Variants in KDM5A observed in about 807,000 individuals in gnomAD.
KDM5A encodes lysine-specific demethylase 5A.
KDM5A carries 42 observed loss-of-function variants against 193.5 expected under a neutral mutation model. That is an observed-to-expected ratio of 0.22 (90% confidence interval 0.17 to 0.28). The LOEUF (loss-of-function observed/expected upper bound fraction) is 0.28. Ranked by LOEUF, KDM5A falls within the 10% of genes least tolerant of loss-of-function variation. The probability of loss-of-function intolerance (pLI) is 1.00; values close to 1 mark genes in which losing one functional copy is unlikely to be tolerated. For synonymous variants in KDM5A, 796 were observed against 718.1 expected (o/e 1.11, Z -1.73); for missense variants, 1,692 against 2,055.1 (o/e 0.82, Z 3.42).
chr12:295,005 C>T (rs1334867366), intron 26 of KDM5A, among the ~76,000 whole-genome samples: 1 of 152,174 alleles, frequency 6.6e-6, no homozygotes, highest in Non-Finnish European at 1.5e-5. Flanking sequence ...CAGGCTTCTA[C>T]TACTTAACCA....
chr12:323,773 C>G lies in KDM5A; in HGVS notation c.1977G>C (p.Leu659=), dbSNP rs2137412228. 9.3e-6 allele frequency: 15 copies of G among 1,613,220 alleles called. No homozygotes were observed. The highest frequency in any genetic ancestry group is 1.3e-5 in the Non-Finnish European group (15 of 1,179,208). ...GTTCAAACACTTCTTCTTCTGACAT[C>G]AGGACACCCTGAAATATAATTTATT... ...LRESVVQMGV[L]MSEEEVFELV... The change falls in exon 15 of 28, where the codon CTG becomes CTC. Residue 659 remains leucine (L), a synonymous_variant. Coordinates refer to ENST00000399788, the MANE Select transcript of KDM5A (RefSeq NM_001042603.3).
intron 5 of KDM5A, among the ~76,000 whole-genome samples, chr12:357,780 A>G (rs976989127): frequency 6.0e-5 from 8 of 133,268 alleles, no homozygotes; most frequent in Admixed American, 1.8e-4. Flanking sequence ...GTGAGCTGAG[A>G]TTGCACCACT....
chr12:334,492 G>T, intron 10 of KDM5A, 70 bp from the exon 11 acceptor site: 1 of 1,331,404 alleles, frequency 7.5e-7, no homozygotes, highest in Non-Finnish European at 1.1e-6. Flanking sequence ...TGCCAAGGGA[G>T]TCTTCCCAGA....
chr12:294,304 G>A (rs1470639881), intron 26 of KDM5A, among the ~76,000 whole-genome samples: 1 of 152,024 alleles, frequency 6.6e-6, no homozygotes, highest in African/African-American at 2.4e-5. Context: ...ACAGGAGGAG[G>A]AATAAGAGAA....
intron 24 of KDM5A, among the ~76,000 whole-genome samples, chr12:302,074 T>C (rs575893180): frequency 1.3e-5 from 2 of 152,208 alleles, no homozygotes; most frequent in Non-Finnish European, 2.9e-5. Context: ...GAAGAATCAA[T>C]ATCATGAAAA....
At chr12:371,934 C>T (rs901086189) in intron 3 of KDM5A, among the ~76,000 whole-genome samples, 4 of 152,168 alleles carry the variant, frequency 2.6e-5, no homozygotes, top group African/African-American at 9.7e-5. Flanking sequence ...TTTCTGAAGG[C>T]TCTGTTCTGT....
At chr12:340,354 C>T (rs1321021765) in intron 10 of KDM5A, among the ~76,000 whole-genome samples, 6 of 152,072 alleles carry the variant, frequency 3.9e-5, no homozygotes, top group African/African-American at 1.4e-4. Flanking sequence ...GAGACTGTAT[C>T]CCATGGCAAC....
chr12:284,918 T>C lies in KDM5A; in HGVS notation c.*538A>G. 4.1e-6 allele frequency: 1 copy of C among 244,776 alleles called. No homozygotes were observed. The highest frequency in any genetic ancestry group is 8.1e-6 in the Non-Finnish European group (1 of 123,558). 15.2% of individuals were successfully genotyped at this position (244,776 alleles called of 1,614,324 possible). On this transcript the variant is annotated 3_prime_UTR_variant, in exon 28 of 28. Coordinates refer to ENST00000399788, the MANE Select transcript of KDM5A (RefSeq NM_001042603.3). ...GGTCAATAGACTGTGATACCATTCC[T>C]TGACGTCTAACAGAAATAACTTTGG...
At chr12:375,529 T>C (rs911198900) in intron 3 of KDM5A, among the ~76,000 whole-genome samples, 1 of 152,230 alleles carries the variant, frequency 6.6e-6, no homozygotes, top group African/African-American at 2.4e-5. Flanking sequence ...AACTTCCTCC[T>C]TTAGCTCGGA....
intron 22 of KDM5A, among the ~76,000 whole-genome samples, chr12:309,354 T>C (rs962428144): frequency 2.6e-5 from 4 of 152,250 alleles, no homozygotes; most frequent in Admixed American, 6.5e-5. Context: ...CAGAAGTGTT[T>C]GGGGTCTTTA....
intron 27 of KDM5A, among the ~76,000 whole-genome samples, chr12:291,886 A>T (rs942073058): frequency 6.6e-6 from 1 of 151,694 alleles, no homozygotes; most frequent in Non-Finnish European, 1.5e-5. Flanking sequence ...TAGGGTTGGA[A>T]ATTTTAAAAC....
chr12:325,941 G>A (rs781663860), intron 14 of KDM5A, among the ~76,000 whole-genome samples: 3 of 152,084 alleles, frequency 2.0e-5, no homozygotes, highest in Non-Finnish European at 4.4e-5. Flanking sequence ...TTGAACCCAG[G>A]GGGCAGAGGT....
rs1041340922 is a variant in KDM5A at position 389,256 on chromosome 12, G to C, written c.-165C>G. The C allele has an allele frequency of 2.6e-6, 2 of 758,992 alleles. No individual in the cohort carries two copies. The highest frequency in any genetic ancestry group is 4.6e-6 in the Non-Finnish European group (2 of 431,770). The allele number at this position is 758,992 out of a possible 1,614,324, so 47.0% of individuals were successfully genotyped here. A position where few individuals can be genotyped will look rare whatever the true frequency, so the allele number is the denominator to read the frequency against. ...CCAGAATCGCTTCCTCCTCCCGTTTGTTATTGTTTCTTGCAAGGCTTTTCC... is the reference window on the plus strand; with the variant it reads ...CCAGAATCGCTTCCTCCTCCCGTTTCTTATTGTTTCTTGCAAGGCTTTTCC... On this transcript the variant is annotated 5_prime_UTR_variant, in exon 1 of 28. Coordinates refer to ENST00000399788, the MANE Select transcript of KDM5A (RefSeq NM_001042603.3).
intron 19 of KDM5A, among the ~76,000 whole-genome samples, chr12:313,628 G>A (rs899667442): frequency 3.9e-5 from 6 of 152,090 alleles, no homozygotes; most frequent in Non-Finnish European, 8.8e-5. Flanking sequence ...CAATAGACTA[G>A]AAATCCATTA....
chr12:290,886 A>G (rs1238910895), intron 27 of KDM5A, among the ~76,000 whole-genome samples: 1 of 152,200 alleles, frequency 6.6e-6, no homozygotes, highest in Non-Finnish European at 1.5e-5. Context: ...AACATTATAG[A>G]AAGAATGTCA....
intron 10 of KDM5A, among the ~76,000 whole-genome samples, chr12:348,173 T>C (rs967280927): frequency 1.3e-5 from 2 of 152,168 alleles, no homozygotes; most frequent in African/African-American, 4.8e-5. Flanking sequence ...ATGCTCATCA[T>C]CACTGGCCAT....
rs1021900000 is a variant in KDM5A, at chr12:307,274, A to C, written c.3930+180T>G. Among the ~76,000 whole-genome samples, 12 of 152,236 alleles carry C rather than the reference A, an allele frequency of 7.9e-5. No homozygotes were observed. Among genetic ancestry groups the C allele is most frequent in the African/African-American group, 2.7e-4 (11 of 41,450 alleles). Reference sequence around the variant, plus strand: ...GTCCACCTGAATGATATTACCAAGAATATTTCACTAAGTACGTATCCAAAA... The same window carrying C: ...GTCCACCTGAATGATATTACCAAGACTATTTCACTAAGTACGTATCCAAAA... On this transcript the variant is annotated intron_variant, in intron 23 of 27. Coordinates refer to ENST00000399788, the MANE Select transcript of KDM5A (RefSeq NM_001042603.3). This position sits in a 1 kb window ranked among gnomAD's most constrained non-coding sequence, Gnocchi z 4.3.
intron 10 of KDM5A, among the ~76,000 whole-genome samples, chr12:335,330 G>C (rs571779488): frequency 6.6e-6 from 1 of 152,320 alleles, no homozygotes; most frequent in East Asian, 1.9e-4. Flanking sequence ...ATGGAGAACA[G>C]TTCTCAAAAT....
chr12:318,239 T>G lies in KDM5A; in HGVS notation c.2764A>C (p.Met922Leu), dbSNP rs1462596437. 6.2e-7 allele frequency: 1 copy of G among 1,614,178 alleles called. No individual in the cohort carries two copies. Among genetic ancestry groups the G allele is most frequent in the Non-Finnish European group, 8.5e-7 (1 of 1,180,024 alleles). The stretch of plus-strand genomic sequence containing the variant: ...ACCCCAGAGTCTATCAGCTTCTTCA[T>G]GACATCCAAAGTGACTTGTTGCGGA... ...SDPQQVTLDV[M>L]KKLIDSGVGL... is the part of the protein sequence containing the mutation. The change falls in exon 19 of 28, where the codon ATG becomes CTG. Residue 922 changes from methionine (M) to leucine (L), a missense_variant. Coordinates refer to ENST00000399788, the MANE Select transcript of KDM5A (RefSeq NM_001042603.3).
Sources: allele counts gnomAD v4.1 joint callset (sites outside exome capture counted in the v4.1 genomes callset), GRCh38; gene constraint gnomAD v4.1.1; non-coding constraint Gnocchi (gnomAD v3.1); transcripts MANE v1.5; gene names NCBI Gene and HGNC (gene_info 2026-07-23, HGNC 2026-07-21).